The following MAPK10 variants were observed in gnomAD, a reference collection of about 807,000 sequenced individuals.
MAPK10 encodes the protein mitogen-activated protein kinase 10, also known as JNK3 alpha protein kinase.
A neutral mutation model predicts 59.3 loss-of-function variants in MAPK10; 25 were observed. That is an observed-to-expected ratio of 0.42 (90% CI 0.31 to 0.59). The LOEUF (loss-of-function observed/expected upper bound fraction) is 0.59. Ranked by LOEUF, MAPK10 falls within the 20% of genes least tolerant of loss-of-function variation. MAPK10 has a pLI of 0.15. For missense variants in MAPK10, 351 were observed against 568.9 expected (o/e 0.62, Z 3.90); for synonymous variants, 190 against 200.5 (o/e 0.95, Z 0.44).
intron 1 of MAPK10, among the ~76,000 whole-genome samples, chr4:86,354,932 A>G (rs1277327205): frequency 6.6e-6 from 1 of 152,166 alleles, no homozygotes; most frequent in East Asian, 1.9e-4. Flanking sequence ...GTTTTCTAAT[A>G]CAAGGCACCC....
At chr4:86,202,163 T>G (rs2082768921) in intron 2 of MAPK10, among the ~76,000 whole-genome samples, 1 of 151,988 alleles carries the variant, frequency 6.6e-6, no homozygotes, top group Non-Finnish European at 1.5e-5. Flanking sequence ...TGATATTATT[T>G]TAAATGGTAT....
At chr4:86,331,522 T>G (rs1227496960) in intron 2 of MAPK10, among the ~76,000 whole-genome samples, 1 of 152,006 alleles carries the variant, frequency 6.6e-6, no homozygotes, top group Non-Finnish European at 1.5e-5. Context: ...AGGCCCAAAC[T>G]GGAAAAACCA....
rs2093316328 is a variant in MAPK10 at position 86,249,663 on chromosome 4, C to T, written c.-6-55256G>A. On this transcript the variant is annotated intron_variant, in intron 2 of 13. Transcript: ENST00000641462. The stretch of plus-strand genomic sequence containing the variant: ...ATACAATCTACAGTAATGATCAGTA[C>T]ATGGGATATAGTTTTTTGGTCCAGA... 2.0e-5 allele frequency among the ~76,000 whole-genome samples: 3 copies of T among 152,152 alleles called. No homozygotes were observed. In the South Asian group the frequency reaches 6.2e-4, roughly 32 times the overall value.
chr4:86,343,631 G>T (rs1049060793), intron 2 of MAPK10, among the ~76,000 whole-genome samples: 2 of 152,066 alleles, frequency 1.3e-5, no homozygotes, highest in Non-Finnish European at 2.9e-5. Context: ...TTTTCATGTG[G>T]CCCCCAAATT....
At chr4:86,593,230 C>T (rs1425649485) in intron 1 of MAPK10, among the ~76,000 whole-genome samples, 2 of 152,120 alleles carry the variant, frequency 1.3e-5, no homozygotes, top group African/African-American at 4.8e-5. Context: ...TTTGGGGAAG[C>T]CAAATAAGCC....
At chr4:86,139,630 T>A (rs1295211186) in intron 4 of MAPK10, among the ~76,000 whole-genome samples, 1 of 152,114 alleles carries the variant, frequency 6.6e-6, no homozygotes, top group Non-Finnish European at 1.5e-5. Flanking sequence ...TGGGCAAGGA[T>A]TTCATGTCTA....
intron 2 of MAPK10, among the ~76,000 whole-genome samples, chr4:86,203,425 T>G (rs79147616): frequency 0.085 from 12,870 of 151,636 alleles, 1,214 homozygotes; most frequent in African/African-American, 0.23. Flanking sequence ...CACAGGAGGT[T>G]TAAGAAGCTT....
At chr4:86,548,974 CA>C (rs1209655907) in intron 1 of MAPK10, among the ~76,000 whole-genome samples, 4 of 152,094 alleles carry the variant, frequency 2.6e-5, no homozygotes, top group African/African-American at 4.8e-5. Context: ...TAGTGATTCC[CA>C]TTCTAGAGCA....
At chr4:86,152,761 A>C (rs2066792225) in intron 4 of MAPK10, 1 of 152,228 alleles carries the variant, frequency 6.6e-6, no homozygotes, top group Non-Finnish European at 1.5e-5. Context: ...AATTTATAAC[A>C]CATACCTACT....
intron 11 of MAPK10, among the ~76,000 whole-genome samples, chr4:86,049,485 A>G (rs932759773): frequency 6.6e-6 from 1 of 152,034 alleles, no homozygotes; most frequent in Non-Finnish European, 1.5e-5. Context: ...AAAGAAAATA[A>G]GTCTAACTGA....
rs569325984 is a variant in MAPK10 at position 86,264,583 on chromosome 4, T to C, written c.-6-70176A>G. 3.9e-5 allele frequency among the ~76,000 whole-genome samples: 6 copies of C among 152,302 alleles called. No homozygotes were observed. The East Asian group carries it at 9.6e-4, about 24-fold the overall frequency. The stretch of plus-strand genomic sequence containing the variant: ...CCCCACAATGAAGTCTGAAGCTCCT[T>C]TGATAATAATGAAGCCTGTCATCTT... On this transcript the variant is annotated intron_variant, in intron 2 of 13. Coordinates refer to ENST00000641462, the MANE Select transcript of MAPK10 (RefSeq NM_138982.4).
At chr4:86,324,716 C>CAT (rs2095982647) in intron 2 of MAPK10, among the ~76,000 whole-genome samples, 2 of 152,166 alleles carry the variant, frequency 1.3e-5, no homozygotes, top group Admixed American at 6.5e-5. Flanking sequence ...TAAATTCTAT[C>CAT]ATAAAGAGCA....
Position 86,075,570 on chromosome 4 carries a change from T to C in MAPK10, c.803-7615A>G, listed in dbSNP as rs374860113. Among the ~76,000 whole-genome samples, 26 of 152,358 alleles carry C rather than the reference T, an allele frequency of 1.7e-4. No homozygotes were observed. The East Asian group carries it at 3.3e-3, about 19-fold the overall frequency. On this transcript the variant is annotated intron_variant, in intron 9 of 13. Transcript: ENST00000641462. ...ATGATAGTGATGTACAGATGGGTTT[T>C]CAGTGTGGATGTCCTTTCTGTTTGT... is the stretch of plus-strand genomic sequence containing the variant.
chr4:86,249,115 G>A (rs548421838), intron 2 of MAPK10, among the ~76,000 whole-genome samples: 21 of 152,284 alleles, frequency 1.4e-4, no homozygotes, highest in African/African-American at 4.8e-4. Context: ...GTTCCCTTGT[G>A]AGGAGAAACT....
intron 1 of MAPK10, among the ~76,000 whole-genome samples, chr4:86,586,617 T>C (rs1228713002): frequency 6.6e-6 from 1 of 152,212 alleles, no homozygotes; most frequent in Admixed American, 6.5e-5. Context: ...CTTTGCAGTT[T>C]AACTCATTAA....
intron 2 of MAPK10, among the ~76,000 whole-genome samples, chr4:86,319,767 G>A (rs1184223069): frequency 6.6e-6 from 1 of 152,198 alleles, no homozygotes; most frequent in Non-Finnish European, 1.5e-5. Flanking sequence ...CAATCAATGA[G>A]GGATGGCAGC....
intron 2 of MAPK10, among the ~76,000 whole-genome samples, chr4:86,198,674 TAA>T (rs1226809189): frequency 3.3e-5 from 5 of 151,810 alleles, no homozygotes; most frequent in African/African-American, 9.7e-5. Context: ...TTCTGTGAAA[TAA>T]GTCATAAATA....
chr4:86,046,092 A>G (rs2042438702), intron 11 of MAPK10, among the ~76,000 whole-genome samples: 1 of 150,586 alleles, frequency 6.6e-6, no homozygotes, highest in Non-Finnish European at 1.5e-5. Flanking sequence ...ACTACAAACC[A>G]CTGCTCTCTA....
chr4:86,070,888 G>A (rs1339240606), intron 9 of MAPK10, among the ~76,000 whole-genome samples: 1 of 151,992 alleles, frequency 6.6e-6, no homozygotes, highest in Non-Finnish European at 1.5e-5. Flanking sequence ...ATGATTTATA[G>A]TCATTTGGGT....
Sources: gnomAD v4.1 joint callset for allele counts (sites outside exome capture counted in the v4.1 genomes callset) on GRCh38, gnomAD v4.1.1 for gene constraint, MANE v1.5 for transcripts, NCBI Gene and HGNC (gene_info 2026-07-23, HGNC 2026-07-21) for gene names.